SPTBN5: variants seen among roughly 807,000 people sequenced by gnomAD.
SPTBN5 encodes the protein spectrin beta, non-erythrocytic 5.
Under a neutral mutation model 477.6 loss-of-function variants are expected in SPTBN5, and 513 were observed. The ratio of observed to expected loss-of-function variants is 1.07; its 90% CI spans 1.00 to 1.16. The LOEUF (loss-of-function observed/expected upper bound fraction) is 1.16, where lower values mean the gene tolerates loss of function less well. Ranked by LOEUF, SPTBN5 falls within the 50% of genes most tolerant of loss-of-function variation. SPTBN5 has a pLI of 0.00. For synonymous variants in SPTBN5, 2,169 were observed against 2,011.7 expected, an observed-to-expected ratio of 1.08 and a Z score of -2.09; for missense variants, 5,062 against 4,731.8, an observed-to-expected ratio of 1.07 and a Z score of -2.05.
Position 41,875,061 on chromosome 15 carries a change from G to A in SPTBN5, c.4288-5C>T. 5 of 1,607,376 alleles carry A rather than the reference G, an allele frequency of 3.1e-6. No individual in the cohort carries two copies. Among genetic ancestry groups the A allele is most frequent in the Non-Finnish European group, 4.3e-6 (5 of 1,176,102 alleles). Reference sequence around the variant, plus strand: ...CTCCAGCTGCTCCTTTGCATCCTGGGAGGGACGCATGGAGCTGCATTAGGT... The same window carrying A: ...CTCCAGCTGCTCCTTTGCATCCTGGAAGGGACGCATGGAGCTGCATTAGGT... On this transcript the variant is annotated splice_polypyrimidine_tract_variant and splice_region_variant and intron_variant, in intron 22 of 67. Transcript: ENST00000320955.
intron 66 of SPTBN5, chr15:41,850,426 T>C (rs962622523): frequency 4.4e-6 from 1 of 226,542 alleles, no homozygotes; most frequent in African/African-American, 2.2e-5. Flanking sequence ...CTGGCTTGCT[T>C]ACTGTCTGCA....
At chr15:41,893,083 G>A (rs1207044504) in intron 2 of SPTBN5, 22 bp from the exon 3 acceptor site, 8 of 1,606,832 alleles carry the variant, frequency 5.0e-6, no homozygotes, top group African/African-American at 1.3e-5. Context: ...ACAGGGGTAA[G>A]TATGGGGTCA....
rs2066368600 is a variant in SPTBN5 at position 41,867,544 on chromosome 15, G to C, written c.6306C>G (p.Asp2102Glu). The change falls in exon 35 of 68, where the codon GAC (aspartate) becomes GAG (glutamate). Residue 2102 changes from aspartate to glutamate, a missense_variant. Transcript: ENST00000320955. ...EVFLKVLTAQ[D>E]KKEAALRERL... The stretch of plus-strand genomic sequence containing the variant: ...GGCCTCCTGACTCCATTACCTTCTT[G>C]TCCTGGGCAGTCAGAACCTTCAGGA... 4 of 1,613,544 alleles carry C rather than the reference G, an allele frequency of 2.5e-6. No individual in the cohort carries two copies. Among genetic ancestry groups the C allele is most frequent in the African/African-American group, 1.3e-5 (1 of 74,910 alleles).
intron 32 of SPTBN5, among the ~76,000 whole-genome samples, 179 bp from the exon 33 acceptor site, chr15:41,868,780 A>G (rs933218219): frequency 6.6e-6 from 1 of 151,870 alleles, no homozygotes; most frequent in African/African-American, 2.4e-5. Context: ...TTCTCATCCA[A>G]CCCGATCCTC....
intron 25 of SPTBN5, 69 bp downstream of exon 25, chr15:41,873,775 TC>T: frequency 6.4e-7 from 1 of 1,572,946 alleles, no homozygotes; most frequent in Non-Finnish European, 8.7e-7. Flanking sequence ...TCCCTGAGAG[TC>T]CCACAGGTGG....
chr15:41,862,609 G>T lies in SPTBN5; in HGVS notation c.7315C>A (p.His2439Asn). ...RLCQRSPEAA[H>N]GLRHRQQEVA... is the part of the protein sequence containing the mutation. Reference sequence around the variant, plus strand: ...TCCTGCTGCCTGTGCCTGAGGCCGTGGGCTGCCTCGGGGCTTCTTTGGCAG... The same window carrying T: ...TCCTGCTGCCTGTGCCTGAGGCCGTTGGCTGCCTCGGGGCTTCTTTGGCAG... Residue 2439 changes from histidine (H) to asparagine (N), a missense_variant, in exon 43 of 68, where the codon CAC (histidine) becomes AAC (asparagine). By Grantham distance (68) the His-to-Asn change is moderately conservative. Coordinates refer to ENST00000320955, the MANE Select transcript of SPTBN5 (RefSeq NM_016642.4). The T allele has an allele frequency of 1.3e-6, 2 of 1,557,854 alleles. No homozygotes were observed. The highest frequency in any genetic ancestry group is 8.7e-7 in the Non-Finnish European group (1 of 1,152,442).
Position 41,890,185 on chromosome 15 carries a change from C to T in SPTBN5, c.405G>A (p.Gly135=). 1 of 1,612,232 alleles carries T rather than the reference C, an allele frequency of 6.2e-7. No homozygotes were observed. ...LRAKVPVPLI[G]PENIVDGDQT... ...GGTCTCCGTCCACGATGTTCTCTGG[C>T]CCGATGAGTGGTACTGGCACCTGTG... The change falls in exon 4 of 68, where the codon GGG becomes GGA. Residue 135 remains glycine (G), a synonymous_variant. Transcript: ENST00000320955.
intron 12 of SPTBN5, among the ~76,000 whole-genome samples, chr15:41,881,686 G>A (rs530694999): frequency 3.5e-4 from 54 of 152,286 alleles, no homozygotes; most frequent in African/African-American, 1.2e-3. Context: ...TGAAACTGCC[G>A]GCAACAGGAG....
At position 41,849,856 on chromosome 15, in the gene SPTBN5, C is replaced by A. The variant is rs760160665; in HGVS notation, c.11012+13G>T. ...GGGCTCCCCGCCCTGCTTCCCCCAC[C>A]CAGGTGTCCCACCTGAGTAGACATC... is the stretch of plus-strand genomic sequence containing the variant. On this transcript the variant is annotated intron_variant, in intron 67 of 67. Coordinates refer to ENST00000320955, the MANE Select transcript of SPTBN5 (RefSeq NM_016642.4). 2 of 1,555,546 alleles carry A rather than the reference C, an allele frequency of 1.3e-6. No homozygotes were observed. The highest frequency in any genetic ancestry group is 2.4e-5 in the East Asian group (1 of 41,702).
chr15:41,881,006 C>T (rs777116228), intron 13 of SPTBN5, 28 bp downstream of exon 13: 5 of 1,544,566 alleles, frequency 3.2e-6, no homozygotes, highest in East Asian at 2.4e-5. Context: ...AGTAAGGACT[C>T]GAGCATTTCT....
chr15:41,892,947 G>C lies in SPTBN5; in HGVS notation c.331C>G (p.Arg111Gly), dbSNP rs200501221. 6.2e-7 allele frequency: 1 copy of C among 1,608,494 alleles called. No homozygotes were observed. The highest frequency in any genetic ancestry group is 1.7e-5 in the Admixed American group (1 of 59,972). ...CTGCTGTTCTCCAGGAAGTGCACAC[G>C]CAGGCGGCCCCGGCTCGGGGGTGGC... ...ALPPPSRGRL[R>G]VHFLENSSRA... Residue 111 changes from arginine to glycine, a missense_variant, in exon 3 of 68, where the codon CGT becomes GGT. Physicochemically the swap from Arg to Gly is moderately radical, Grantham distance 125 (BLOSUM62 -2). Transcript: ENST00000320955.
At position 41,854,948 on chromosome 15, in the gene SPTBN5, C is replaced by G. The variant is rs936480698; in HGVS notation, c.9452G>C (p.Arg3151Thr). The G allele has an allele frequency of 1.5e-5, 23 of 1,557,928 alleles. No homozygotes were observed. Among genetic ancestry groups the G allele is most frequent in the Non-Finnish European group, 2.0e-5 (23 of 1,153,180 alleles). ...KVLEEKFDAFRKEVQSLGQAK... is the reference protein window; with the variant it reads ...KVLEEKFDAFTKEVQSLGQAK... ...CTGGCCCAGGCTCTGCACTTCCTTT[C>G]TGAAAGCATCAAACTTCTCTTCCAG... Residue 3151 changes from arginine to threonine, a missense_variant, in exon 56 of 68, where the codon AGA becomes ACA. Coordinates refer to ENST00000320955, the MANE Select transcript of SPTBN5 (RefSeq NM_016642.4).
Position 41,877,135 on chromosome 15 carries a change from A to T in SPTBN5, c.3692T>A (p.Leu1231Gln). The change falls in exon 18 of 68, where the codon CTG becomes CAG. Residue 1231 changes from leucine to glutamine, a missense_variant. Physicochemically the swap from Leu to Gln is moderately radical, Grantham distance 113. Coordinates refer to ENST00000320955, the MANE Select transcript of SPTBN5 (RefSeq NM_016642.4). Reference protein sequence around the residue: ...TATCANHQAWLHLDNLGEDVR... With the variant: ...TATCANHQAWQHLDNLGEDVR... ...CCATACCCCAAGGTTGTCCAGGTGC[A>T]GCCAGGCCTGGTGGTTGGCACAGGT... 6.2e-7 allele frequency: 1 copy of T among 1,613,918 alleles called. No homozygotes were observed. Among genetic ancestry groups the T allele is most frequent in the Non-Finnish European group, 8.5e-7 (1 of 1,179,858 alleles).
rs2065805518 is a variant in SPTBN5, at chr15:41,852,668, T to G, written c.10415A>C (p.Gln3472Pro). 3 of 1,613,546 alleles carry G rather than the reference T, an allele frequency of 1.9e-6. No individual in the cohort carries two copies. The highest frequency in any genetic ancestry group is 2.5e-6 in the Non-Finnish European group (3 of 1,179,858). Residue 3472 changes from glutamine to proline, a missense_variant, in exon 61 of 68, where the codon CAG (glutamine) becomes CCG (proline). By Grantham distance (76) the Gln-to-Pro change is moderately conservative. Coordinates refer to ENST00000320955, the MANE Select transcript of SPTBN5 (RefSeq NM_016642.4). Reference sequence around the variant, plus strand: ...TTGCATTTGGGCAAACTTCTCTTCCTGGGCTGCCAGCAGCTTTTCTAAGTC... The same window carrying G: ...TTGCATTTGGGCAAACTTCTCTTCCGGGGCTGCCAGCAGCTTTTCTAAGTC... ...HQDLEKLLAA[Q>P]EEKFAQMQKT...
At position 41,873,605 on chromosome 15, in the gene SPTBN5, A is replaced by G. The variant is rs1478116283; in HGVS notation, c.4894T>C (p.Phe1632Leu). 1.9e-6 allele frequency: 3 copies of G among 1,551,254 alleles called. No individual in the cohort carries two copies. The highest frequency in any genetic ancestry group is 2.6e-6 in the Non-Finnish European group (3 of 1,147,074). Residue 1632 changes from phenylalanine (F) to leucine (L), a missense_variant, in exon 26 of 68, where the codon TTT becomes CTT. Phe to Leu is a conservative substitution (Grantham distance 22, BLOSUM62 0). Transcript: ENST00000320955. ...CCCTCCAGCTCTGACACATCCAGAA[A>G]GTACTGCCAAGAGTGGGGCCAACTC... ...LQQAVTFQQY[F>L]LDVSELEGWV...
chr15:41,858,788 T>A (rs2066003180), intron 48 of SPTBN5, 40 bp from the exon 49 acceptor site: 1 of 1,586,924 alleles, frequency 6.3e-7, no homozygotes, highest in Admixed American at 1.7e-5. Context: ...TCCAGGGCTT[T>A]CCCCTTCCCC....
chr15:41,887,077 A>G, intron 6 of SPTBN5, 136 bp downstream of exon 6: 3 of 758,080 alleles, frequency 4.0e-6, no homozygotes, highest in Non-Finnish European at 6.7e-6. Flanking sequence ...CATCATCTCC[A>G]TGTGATAGAG....
At chr15:41,850,021 G>A in intron 66 of SPTBN5, 62 bp from the exon 67 acceptor site, 1 of 1,370,320 alleles carries the variant, frequency 7.3e-7, no homozygotes, top group Non-Finnish European at 1.0e-6. Context: ...CGCCAGGTCT[G>A]GCTGCTCCTT....
intron 35 of SPTBN5, 104 bp from the exon 36 acceptor site, chr15:41,867,230 T>G: frequency 7.6e-7 from 1 of 1,320,526 alleles, no homozygotes; most frequent in Non-Finnish European, 1.0e-6. Context: ...AGCCCTTTCC[T>G]CAGCCCCACA....
Sources: gnomAD v4.1 joint callset for allele counts (sites outside exome capture counted in the v4.1 genomes callset) on GRCh38, gnomAD v4.1.1 for gene constraint, MANE v1.5 for transcripts, NCBI Gene and HGNC (gene_info 2026-07-23, HGNC 2026-07-21) for gene names.